Variants in LRP1B observed in about 807,000 individuals in gnomAD.
LRP1B encodes low-density lipoprotein receptor-related protein 1B.
In LRP1B, 217 loss-of-function variants were observed where a neutral mutation model predicts 556.6. The observed-to-expected ratio is 0.39, with a 90% CI of 0.35 to 0.44. The LOEUF is 0.44. Among genes scored for constraint, LRP1B ranks in the 20% least tolerant of loss-of-function variants. LRP1B has a pLI of 1.00. For synonymous variants in LRP1B, 2,047 were observed against 1,865.8 expected (o/e 1.10, Z -2.50); for missense variants, 5,053 against 5,620.8 (o/e 0.90, Z 3.23).
intron 41 of LRP1B, among the ~76,000 whole-genome samples, chr2:140,632,895 C>T (rs1286397581): frequency 3.3e-5 from 5 of 151,736 alleles, no homozygotes; most frequent in Non-Finnish European, 7.4e-5. Flanking sequence ...AACCCTGTCT[C>T]CACTAAAAAT....
At chr2:141,840,452 ACT>A (rs1697429705) in intron 1 of LRP1B, among the ~76,000 whole-genome samples, 2 of 151,006 alleles carry the variant, frequency 1.3e-5, no homozygotes, top group Admixed American at 6.6e-5. Context: ...TTTAGTAGAG[ACT>A]CTGCGTGTTA....
chr2:140,503,221 T>C (rs1689272656), intron 53 of LRP1B, 118 bp from the exon 54 acceptor site: 1 of 877,714 alleles, frequency 1.1e-6, no homozygotes, highest in East Asian at 2.6e-5. Flanking sequence ...CCATGAGAAA[T>C]ATTTCTCATT....
intron 1 of LRP1B, among the ~76,000 whole-genome samples, chr2:141,933,165 A>G (rs1700549937): frequency 6.6e-6 from 1 of 152,094 alleles, no homozygotes; most frequent in Admixed American, 6.6e-5. Context: ...ATATCTTCAT[A>G]GGGGATTCTC....
intron 18 of LRP1B, among the ~76,000 whole-genome samples, chr2:140,970,462 G>GA (rs575149754): frequency 0.023 from 3,532 of 152,050 alleles, 67 homozygotes; most frequent in Non-Finnish European, 0.032. Context: ...TTTGGGATGG[G>GA]TTTGAACTTC....
intron 7 of LRP1B, among the ~76,000 whole-genome samples, chr2:141,122,887 T>G (rs995227466): frequency 9.9e-5 from 15 of 152,154 alleles, no homozygotes; most frequent in African/African-American, 3.6e-4. Flanking sequence ...TAAGAAAATG[T>G]GGCACATATA....
At chr2:141,125,915 T>TGTGATTG (rs58820761) in intron 7 of LRP1B, among the ~76,000 whole-genome samples, 77,194 of 149,872 alleles carry the variant, frequency 0.52, 20,595 homozygotes, top group Non-Finnish European at 0.59. Context: ...AGCAAAATTC[T>TGTGATTG]GTGATTGTTA....
intron 3 of LRP1B, among the ~76,000 whole-genome samples, chr2:141,288,118 C>A (rs1685790825): frequency 2.0e-5 from 3 of 151,900 alleles, no homozygotes; most frequent in Non-Finnish European, 4.4e-5. Flanking sequence ...TTATATTTGC[C>A]AGATATATTA....
At chr2:141,355,484 C>A (rs1484801099) in intron 3 of LRP1B, among the ~76,000 whole-genome samples, 3 of 152,002 alleles carry the variant, frequency 2.0e-5, no homozygotes, top group African/African-American at 7.3e-5. Context: ...CACCCCCATC[C>A]CCTGGCAACC....
At chr2:140,459,905 T>C in intron 60 of LRP1B, among the ~76,000 whole-genome samples, 1 of 152,152 alleles carries the variant, frequency 6.6e-6, no homozygotes, top group East Asian at 1.9e-4. Context: ...TGAAGACATG[T>C]TTGCTTCCTT....
chr2:141,759,452 G>C (rs939332207), intron 2 of LRP1B, among the ~76,000 whole-genome samples: 1 of 152,166 alleles, frequency 6.6e-6, no homozygotes, highest in Non-Finnish European at 1.5e-5. Context: ...GAAATATAGG[G>C]ATAGGGAATG....
chr2:141,579,069 A>G (rs1686861346), intron 2 of LRP1B, among the ~76,000 whole-genome samples: 1 of 152,172 alleles, frequency 6.6e-6, no homozygotes, highest in African/African-American at 2.4e-5. Flanking sequence ...TTAACGAGAA[A>G]CAAACAAAAC....
intron 2 of LRP1B, among the ~76,000 whole-genome samples, chr2:141,594,508 T>C (rs369205534): frequency 2.0e-5 from 3 of 152,200 alleles, no homozygotes; most frequent in South Asian, 4.1e-4. Context: ...AAACTTAGAG[T>C]GCTAGTCAGA....
chr2:141,317,849 A>C (rs1273039321), intron 3 of LRP1B, among the ~76,000 whole-genome samples: 1 of 152,138 alleles, frequency 6.6e-6, no homozygotes. Context: ...GGTAGATGAT[A>C]GTTGCAAAAT....
At chr2:140,285,770 C>G (rs917857459) in intron 84 of LRP1B, among the ~76,000 whole-genome samples, 1 of 151,670 alleles carries the variant, frequency 6.6e-6, no homozygotes, top group Non-Finnish European at 1.5e-5. Context: ...ATCCCAGATA[C>G]TTTTATTTAG....
At chr2:141,070,672 T>C (rs2105482114) in intron 7 of LRP1B, among the ~76,000 whole-genome samples, 1 of 151,972 alleles carries the variant, frequency 6.6e-6, no homozygotes, top group South Asian at 2.1e-4. Flanking sequence ...ATAAAGGGGA[T>C]ATCACCACCG....
At chr2:141,486,865 C>G (rs1301142522) in intron 2 of LRP1B, among the ~76,000 whole-genome samples, 1 of 152,096 alleles carries the variant, frequency 6.6e-6, no homozygotes, top group African/African-American at 2.4e-5. Context: ...CATGCCTATT[C>G]CCATGTCACG....
At chr2:142,074,338 C>T (rs540258452) in intron 1 of LRP1B, among the ~76,000 whole-genome samples, 1 of 152,144 alleles carries the variant, frequency 6.6e-6, no homozygotes, top group Admixed American at 6.6e-5. Context: ...CAATCCTCTG[C>T]CTCTTCTGGC....
At chr2:140,408,067 G>A (rs1202339287) in intron 66 of LRP1B, among the ~76,000 whole-genome samples, 1 of 151,992 alleles carries the variant, frequency 6.6e-6, no homozygotes, top group Non-Finnish European at 1.5e-5. Context: ...TCTAAGTGAA[G>A]TAACTCAGTA....
intron 2 of LRP1B, among the ~76,000 whole-genome samples, chr2:141,499,520 A>C (rs1370201953): frequency 6.6e-6 from 1 of 151,934 alleles, no homozygotes; most frequent in Admixed American, 6.6e-5. Context: ...TGTTTGTTTT[A>C]ACTCTTTCCA....
Sources: allele counts gnomAD v4.1 joint callset (sites outside exome capture counted in the v4.1 genomes callset), GRCh38; gene constraint gnomAD v4.1.1; transcripts MANE v1.5; gene names NCBI Gene and HGNC (gene_info 2026-07-23, HGNC 2026-07-21).